CSMD1: variants seen among roughly 807,000 people sequenced by gnomAD.
The protein encoded by CSMD1 is CUB and sushi domain-containing protein 1.
In CSMD1, 213 loss-of-function variants were observed where a neutral mutation model predicts 417.5. The ratio of observed to expected loss-of-function variants is 0.51; its 90% CI spans 0.46 to 0.57. The LOEUF is 0.57. Among genes scored for constraint, CSMD1 ranks in the 20% least tolerant of loss-of-function variants. CSMD1 has a pLI of 0.00. For missense variants in CSMD1, 6,923 were observed against 4,529.7 expected (o/e 1.53, Z -15.17); for synonymous variants, 2,862 against 1,736.8 (o/e 1.65, Z -16.11).
intron 3 of CSMD1, among the ~76,000 whole-genome samples, chr8:4,199,556 C>G (rs751602175): frequency 6.6e-6 from 1 of 152,128 alleles, no homozygotes; most frequent in Non-Finnish European, 1.5e-5. Flanking sequence ...TCTCGGCTAC[C>G]AAAGGAGCTA....
In CSMD1 at chr8:4,311,893, A is replaced by T. The variant is rs148130965; in HGVS notation, c.415+108060T>A. Among the ~76,000 whole-genome samples the T allele has an allele frequency of 5.7e-4, 86 of 152,124 alleles. No homozygotes were observed. The East Asian group carries it at 0.015, about 27-fold the overall frequency. Reference sequence around the variant, plus strand: ...TAATACCTGGGTGATCAAATAATACATGCAACGAACCCCCATGACACTTAT... The same window carrying T: ...TAATACCTGGGTGATCAAATAATACTTGCAACGAACCCCCATGACACTTAT... On this transcript the variant is annotated intron_variant, in intron 3 of 69. Transcript: ENST00000635120.
At chr8:3,653,171 T>C (rs959518921) in intron 7 of CSMD1, among the ~76,000 whole-genome samples, 8 of 151,938 alleles carry the variant, frequency 5.3e-5, no homozygotes, top group Admixed American at 2.0e-4. Context: ...TATTTTTAAA[T>C]ATATAAATAT....
chr8:3,365,191 G>A (rs780710274), intron 20 of CSMD1, among the ~76,000 whole-genome samples: 97 of 152,268 alleles, frequency 6.4e-4, no homozygotes, highest in Middle Eastern at 6.8e-3. Flanking sequence ...ATATAAAGTG[G>A]CAAGTTTCAT....
intron 26 of CSMD1, among the ~76,000 whole-genome samples, chr8:3,282,315 C>T (rs1020062541): frequency 3.9e-5 from 6 of 152,016 alleles, no homozygotes; most frequent in Non-Finnish European, 5.9e-5. Context: ...ACAGAGAGCA[C>T]GTGGGAACTC....
intron 22 of CSMD1, among the ~76,000 whole-genome samples, chr8:3,345,059 T>C (rs1014924540): frequency 2.6e-5 from 4 of 152,218 alleles, no homozygotes; most frequent in African/African-American, 9.6e-5. Context: ...AGGAAGGCCT[T>C]GGGCTACCCC....
chr8:3,260,873 G>T (rs532667831), intron 26 of CSMD1, among the ~76,000 whole-genome samples: 1 of 152,116 alleles, frequency 6.6e-6, no homozygotes, highest in Non-Finnish European at 1.5e-5. Flanking sequence ...CTACAGACTG[G>T]GAGAAAATGC....
chr8:3,020,681 G>C (rs924152658), intron 51 of CSMD1, among the ~76,000 whole-genome samples: 1 of 152,086 alleles, frequency 6.6e-6, no homozygotes, highest in Non-Finnish European at 1.5e-5. Flanking sequence ...TCCATGTTAT[G>C]ATAGGACAAC....
chr8:4,653,836 C>A (rs1378366597), intron 1 of CSMD1, among the ~76,000 whole-genome samples: 1 of 152,050 alleles, frequency 6.6e-6, no homozygotes, highest in Non-Finnish European at 1.5e-5. Flanking sequence ...AAGTGCCATG[C>A]TTTTAGGATT....
intron 3 of CSMD1, among the ~76,000 whole-genome samples, chr8:4,082,481 G>A (rs1038825290): frequency 2.6e-5 from 4 of 151,920 alleles, no homozygotes; most frequent in Admixed American, 6.6e-5. Flanking sequence ...GGAGATTAAC[G>A]TAATTTTGAT....
At chr8:3,263,591 G>A (rs1238959353) in intron 26 of CSMD1, among the ~76,000 whole-genome samples, 1 of 152,146 alleles carries the variant, frequency 6.6e-6, no homozygotes, top group Non-Finnish European at 1.5e-5. Context: ...ACAAATAAAT[G>A]TTTTAATATT....
intron 8 of CSMD1, among the ~76,000 whole-genome samples, chr8:3,595,114 G>A (rs936850843): frequency 6.6e-6 from 1 of 152,182 alleles, no homozygotes; most frequent in Admixed American, 6.5e-5. Flanking sequence ...CTATAAGGGA[G>A]TTTTTACACT....
intron 5 of CSMD1, among the ~76,000 whole-genome samples, chr8:3,953,856 G>A (rs1277347337): frequency 1.3e-5 from 2 of 152,158 alleles, no homozygotes. Context: ...CTAATGTTCT[G>A]GGTGGTCTCC....
intron 3 of CSMD1, among the ~76,000 whole-genome samples, chr8:4,183,378 T>C (rs1798485435): frequency 6.6e-6 from 1 of 152,214 alleles, no homozygotes; most frequent in African/African-American, 2.4e-5. Context: ...ACTTCTTCTT[T>C]CAATAAGGAA....
chr8:4,722,838 G>A (rs947884102), intron 1 of CSMD1, among the ~76,000 whole-genome samples: 2 of 151,960 alleles, frequency 1.3e-5, no homozygotes, highest in African/African-American at 2.4e-5. Context: ...AAATACTACT[G>A]GAATGACACT....
chr8:3,824,847 C>T (rs529226092), intron 5 of CSMD1, among the ~76,000 whole-genome samples: 1 of 152,046 alleles, frequency 6.6e-6, no homozygotes, highest in Non-Finnish European at 1.5e-5. Context: ...TAAAATGACA[C>T]AGGGTTTCAA....
intron 7 of CSMD1, among the ~76,000 whole-genome samples, chr8:3,705,816 A>C (rs552130832): frequency 1.3e-5 from 2 of 152,300 alleles, no homozygotes; most frequent in Admixed American, 6.5e-5. Context: ...GGTGAAGCAG[A>C]AGTGGAGAGA....
At chr8:4,429,595 A>G (rs75980946) in intron 2 of CSMD1, among the ~76,000 whole-genome samples, 12,501 of 152,180 alleles carry the variant, frequency 0.082, 625 homozygotes, top group South Asian at 0.13. Flanking sequence ...GGAGGCAAAG[A>G]AAGTCAAAGT....
At chr8:3,886,946 G>A (rs1400167167) in intron 5 of CSMD1, among the ~76,000 whole-genome samples, 1 of 152,158 alleles carries the variant, frequency 6.6e-6, no homozygotes, top group Admixed American at 6.6e-5. Flanking sequence ...ATTTTTCAGT[G>A]AAATGCATGT....
intron 37 of CSMD1, among the ~76,000 whole-genome samples, chr8:3,171,767 C>T (rs949745307): frequency 6.6e-6 from 1 of 152,176 alleles, no homozygotes; most frequent in Non-Finnish European, 1.5e-5. Flanking sequence ...CAATATACTT[C>T]TATATCTAGC....
Sources: gnomAD v4.1 joint callset for allele counts (sites outside exome capture counted in the v4.1 genomes callset) on GRCh38, gnomAD v4.1.1 for gene constraint, MANE v1.5 for transcripts, NCBI Gene and HGNC (gene_info 2026-07-23, HGNC 2026-07-21) for gene names.